POU5F1B: variants seen among roughly 807,000 people sequenced by gnomAD.
POU5F1B encodes POU domain, class 5, transcription factor 1B.
Under a neutral mutation model 28.1 loss-of-function variants are expected in POU5F1B, and 24 were observed. The ratio of observed to expected loss-of-function variants is 0.85; its 90% CI spans 0.62 to 1.20. The LOEUF (loss-of-function observed/expected upper bound fraction) is 1.20, where lower values mean the gene tolerates loss of function less well. Ranked by LOEUF, POU5F1B falls within the 50% of genes most tolerant of loss-of-function variation. POU5F1B has a pLI of 0.00. For missense variants in POU5F1B, 451 were observed against 451.5 expected, an observed-to-expected ratio of 1.00 and a Z score of 0.01; for synonymous variants, 220 against 193.2, an observed-to-expected ratio of 1.14 and a Z score of -1.15.
At chr8:127,415,670 C>T (rs1815120191) in exon 3 of POU5F1B, 4 of 857,662 alleles carry the variant, frequency 4.7e-6, no homozygotes, top group Non-Finnish European at 6.5e-6. Context: ...TGTCAATTCA[C>T]AGGTGATTAT....
intron 1 of POU5F1B, among the ~76,000 whole-genome samples, chr8:127,413,844 T>TA (rs1353311220): frequency 7.6e-6 from 1 of 130,972 alleles, no homozygotes; most frequent in East Asian, 2.2e-4. Context: ...TTGTGCTTCT[T>TA]AAAAAAAGGT....
At chr8:127,416,519 A>T (rs747394472) in exon 3 of POU5F1B, 1 of 1,609,256 alleles carries the variant, frequency 6.2e-7, no homozygotes, top group East Asian at 2.2e-5. Context: ...GAAAATCTTC[A>T]GGAGATATGC....
At chr8:127,417,004 C>T in exon 3 of POU5F1B, 1 of 1,563,730 alleles carries the variant, frequency 6.4e-7, no homozygotes, top group Non-Finnish European at 8.7e-7. Flanking sequence ...GGAAAGAGAA[C>T]CTGGAGTTTG....
chr8:127,414,903 T>G (rs1247682500), exon 2 of POU5F1B: 2 of 152,244 alleles, frequency 1.3e-5, no homozygotes, highest in African/African-American at 2.4e-5. Flanking sequence ...TCTCTCTGGG[T>G]GAATCCAGCT....
exon 3 of POU5F1B, chr8:127,415,626 T>C: frequency 1.6e-6 from 1 of 626,046 alleles, no homozygotes; most frequent in Non-Finnish European, 2.4e-6. Context: ...TTTCCAAATC[T>C]TGGCATTCTT....
exon 3 of POU5F1B, chr8:127,416,458 T>C (rs1198602970): frequency 6.2e-7 from 1 of 1,609,022 alleles, no homozygotes; most frequent in African/African-American, 1.3e-5. Context: ...CAAGAACATG[T>C]GTAAGCTGCG....
chr8:127,416,668 C>G (rs1815147410), exon 3 of POU5F1B: 1 of 1,604,698 alleles, frequency 6.2e-7, no homozygotes, highest in Non-Finnish European at 8.5e-7. Flanking sequence ...GCAGCTTGGG[C>G]TCGAGAAGGA....
chr8:127,416,453 A>G (rs1815141056), exon 3 of POU5F1B: 1 of 1,609,078 alleles, frequency 6.2e-7, no homozygotes, highest in Non-Finnish European at 8.5e-7. Context: ...AGCTTCAAGA[A>G]CATGTGTAAG....
chr8:127,415,721 A>C (rs982682123), exon 3 of POU5F1B: 17 of 1,303,194 alleles, frequency 1.3e-5, no homozygotes, highest in Non-Finnish European at 4.0e-6. Context: ...TAACACATTC[A>C]GTCAACATTT....
chr8:127,415,677 T>C (rs557827884), exon 3 of POU5F1B: 1 of 906,796 alleles, frequency 1.1e-6, no homozygotes, highest in East Asian at 3.0e-5. Context: ...TCACAGGTGA[T>C]TATGATTTAA....
chr8:127,415,740 T>C, exon 3 of POU5F1B: 1 of 1,401,544 alleles, frequency 7.1e-7, no homozygotes, highest in Non-Finnish European at 9.4e-7. Context: ...TTAATGATGC[T>C]TCAGGCACTG....
intron 2 of POU5F1B, chr8:127,415,375 A>C: frequency 6.5e-6 from 1 of 154,256 alleles, no homozygotes; most frequent in Non-Finnish European, 1.4e-5. Context: ...AGGTCAGGGA[A>C]TTTCTTTGGT....
chr8:127,416,570 C>T, exon 3 of POU5F1B: 1 of 1,605,764 alleles, frequency 6.2e-7, no homozygotes, highest in Non-Finnish European at 8.5e-7. Flanking sequence ...AGAAAGCGAA[C>T]CAGTATCGAG....
exon 3 of POU5F1B, chr8:127,417,211 G>GAAGAAAGA (rs1554608623): frequency 3.5e-6 from 1 of 281,926 alleles, no homozygotes; most frequent in African/African-American, 2.4e-5. Context: ...AAAAAAAAAA[G>GAAGAAAGA]AAAGAAAAGA....
At chr8:127,414,403 G>A (rs1270733954) in intron 1 of POU5F1B, among the ~76,000 whole-genome samples, 1 of 152,188 alleles carries the variant, frequency 6.6e-6, no homozygotes, top group Non-Finnish European at 1.5e-5. Flanking sequence ...AGAGAGGGGA[G>A]AAGAGGGTTG....
exon 3 of POU5F1B, chr8:127,416,992 A>T: frequency 6.4e-7 from 1 of 1,572,980 alleles, no homozygotes; most frequent in Non-Finnish European, 8.6e-7. Flanking sequence ...GGGAGGAGCT[A>T]GGGAAAGAGA....
exon 3 of POU5F1B, chr8:127,416,527 T>G (rs1208896380): frequency 6.2e-7 from 1 of 1,609,190 alleles, no homozygotes; most frequent in East Asian, 2.2e-5. Flanking sequence ...TCAGGAGATA[T>G]GCAAAGCAGA....
chr8:127,413,944 C>T (rs976625622), intron 1 of POU5F1B, among the ~76,000 whole-genome samples: 1 of 152,038 alleles, frequency 6.6e-6, no homozygotes, highest in African/African-American at 2.4e-5. Context: ...TCTAAAGGAA[C>T]AGAAGTTAAT....
At chr8:127,414,343 CTG>C (rs1372043734) in intron 1 of POU5F1B, among the ~76,000 whole-genome samples, 1 of 152,130 alleles carries the variant, frequency 6.6e-6, no homozygotes, top group Non-Finnish European at 1.5e-5. Flanking sequence ...TGTTTTGTAC[CTG>C]TGTGTGTGTG....
Sources: gnomAD v4.1 joint callset for allele counts (sites outside exome capture counted in the v4.1 genomes callset) on GRCh38, gnomAD v4.1.1 for gene constraint, MANE v1.5 for transcripts, NCBI Gene and HGNC (gene_info 2026-07-23, HGNC 2026-07-21) for gene names.